Variants in GPC5 observed in about 807,000 individuals in gnomAD.
GPC5 encodes the protein glypican 5, also known as glypican-5.
Under a neutral mutation model 53.9 loss-of-function variants are expected in GPC5, and 47 were observed. The observed-to-expected ratio is 0.87, with a 90% confidence interval of 0.69 to 1.11. The LOEUF (loss-of-function observed/expected upper bound fraction) is 1.11, where lower values mean the gene tolerates loss of function less well. GPC5 is among the 50% of genes most tolerant of loss of function. The probability of loss-of-function intolerance (pLI) is 0.00; values close to 1 mark genes in which losing one functional copy is unlikely to be tolerated. For missense variants in GPC5, 748 were observed against 713.1 expected (o/e 1.05, Z -0.56); for synonymous variants, 286 against 263.3 (o/e 1.09, Z -0.84).
intron 7 of GPC5, among the ~76,000 whole-genome samples, chr13:92,567,655 G>A (rs1300708527): frequency 6.6e-6 from 1 of 152,066 alleles, no homozygotes; most frequent in African/African-American, 2.4e-5. Flanking sequence ...CTAGAGGAAG[G>A]GGCCCAGCAG....
chr13:92,167,321 C>A (rs77050455), intron 7 of GPC5, among the ~76,000 whole-genome samples: 19 of 151,980 alleles, frequency 1.3e-4, no homozygotes, highest in Admixed American at 2.6e-4. Context: ...AGTGAGAATT[C>A]TTTTATAAAA....
At chr13:92,069,408 ATGTGTGTGTGTGTGTG>A (rs67467167) in intron 6 of GPC5, among the ~76,000 whole-genome samples, 20 of 143,114 alleles carry the variant, frequency 1.4e-4, no homozygotes, top group Non-Finnish European at 2.5e-4. Context: ...GTGTGCGTGC[ATGTGTGTGTGTGTGTG>A]TGTGTGTGTG....
intron 5 of GPC5, among the ~76,000 whole-genome samples, chr13:91,898,276 G>A (rs2039463851): frequency 6.6e-6 from 1 of 152,082 alleles, no homozygotes; most frequent in Admixed American, 6.6e-5. Flanking sequence ...TATAAATTTT[G>A]CTTAAGAGTT....
intron 5 of GPC5, among the ~76,000 whole-genome samples, chr13:91,842,715 AAAAAAAAAAAAAAAAG>A (rs2038803499): frequency 7.2e-6 from 1 of 139,234 alleles, no homozygotes; most frequent in Non-Finnish European, 1.7e-5. Flanking sequence ...AAAAAAAAAA[AAAAAAAAAAAAAAAAG>A]AATGTTATTT....
intron 6 of GPC5, among the ~76,000 whole-genome samples, chr13:92,003,256 AG>A (rs2040572527): frequency 1.3e-5 from 2 of 149,584 alleles, no homozygotes; most frequent in South Asian, 4.3e-4. Flanking sequence ...GGGAAGCGGC[AG>A]TTGGAGTGAG....
At chr13:92,719,609 C>A (rs1364428449) in intron 7 of GPC5, among the ~76,000 whole-genome samples, 9 of 152,232 alleles carry the variant, frequency 5.9e-5, no homozygotes, top group Middle Eastern at 3.4e-3. Flanking sequence ...GAGGTTCTAA[C>A]AATTCCAAAA....
chr13:91,779,940 A>G (rs903894545), intron 5 of GPC5, among the ~76,000 whole-genome samples: 2 of 152,226 alleles, frequency 1.3e-5, no homozygotes, highest in East Asian at 3.8e-4. Flanking sequence ...GGTTAAATGT[A>G]TAGTTTAGTA....
chr13:92,700,365 G>T (rs529247446), intron 7 of GPC5, among the ~76,000 whole-genome samples: 2 of 149,620 alleles, frequency 1.3e-5, no homozygotes, highest in South Asian at 4.2e-4. Context: ...CCTGCATACA[G>T]CACTCTGATG....
At chr13:92,493,423 T>A (rs888416799) in intron 7 of GPC5, among the ~76,000 whole-genome samples, 1 of 152,224 alleles carries the variant, frequency 6.6e-6, no homozygotes, top group Admixed American at 6.5e-5. Flanking sequence ...AATTTGTTGC[T>A]TCTTATCTAC....
intron 6 of GPC5, among the ~76,000 whole-genome samples, chr13:92,096,919 A>G (rs1037815696): frequency 6.6e-6 from 1 of 152,234 alleles, no homozygotes; most frequent in African/African-American, 2.4e-5. Flanking sequence ...GGAGCATGAC[A>G]TAATAAACCT....
chr13:91,908,441 G>A (rs745616172), intron 6 of GPC5, among the ~76,000 whole-genome samples: 18 of 152,080 alleles, frequency 1.2e-4, no homozygotes, highest in African/African-American at 1.7e-4. Context: ...GAATGTTACT[G>A]TGAAGGTTTT....
chr13:91,835,730 G>T (rs2038716378), intron 5 of GPC5, among the ~76,000 whole-genome samples: 1 of 151,574 alleles, frequency 6.6e-6, no homozygotes, highest in African/African-American at 2.4e-5. Context: ...ATCAGGGCCT[G>T]TCGGGGGTTG....
intron 7 of GPC5, among the ~76,000 whole-genome samples, chr13:92,394,123 CAG>C (rs995518302): frequency 7.9e-5 from 12 of 151,984 alleles, no homozygotes; most frequent in African/African-American, 2.7e-4. Context: ...GGCTGAATGA[CAG>C]GGGAATGACA....
At chr13:91,776,083 T>G (rs950854912) in intron 5 of GPC5, among the ~76,000 whole-genome samples, 5 of 152,136 alleles carry the variant, frequency 3.3e-5, no homozygotes, top group Admixed American at 6.6e-5. Flanking sequence ...ACCAGAAAGT[T>G]TTTGGATGTC....
chr13:92,117,432 G>A (rs2041610195), intron 6 of GPC5, among the ~76,000 whole-genome samples: 1 of 152,002 alleles, frequency 6.6e-6, no homozygotes, highest in Non-Finnish European at 1.5e-5. Flanking sequence ...TCCACCTTGG[G>A]TCTTTTTAAA....
chr13:91,985,370 A>ATTT (rs60884117), intron 6 of GPC5, among the ~76,000 whole-genome samples: 168 of 142,742 alleles, frequency 1.2e-3, no homozygotes, highest in Admixed American at 3.7e-3. Context: ...TAAAATCAGC[A>ATTT]TTTTTTTTTT....
chr13:92,753,349 C>A (rs1874679775), intron 7 of GPC5, among the ~76,000 whole-genome samples: 1 of 152,070 alleles, frequency 6.6e-6, no homozygotes, highest in African/African-American at 2.4e-5. Context: ...TCATCAAAGA[C>A]CAAAAGTAGA....
At chr13:92,589,857 C>T (rs771444136) in intron 7 of GPC5, among the ~76,000 whole-genome samples, 32 of 152,092 alleles carry the variant, frequency 2.1e-4, no homozygotes, top group African/African-American at 7.2e-4. Flanking sequence ...TTAAGTCAAT[C>T]GAAATGATAA....
chr13:92,127,726 T>C (rs1217358948), intron 6 of GPC5, among the ~76,000 whole-genome samples: 2 of 152,228 alleles, frequency 1.3e-5, no homozygotes, highest in Admixed American at 6.5e-5. Flanking sequence ...CTATGAGGGA[T>C]GTTTAACATT....
Sources: gnomAD v4.1 joint callset for allele counts (sites outside exome capture counted in the v4.1 genomes callset) on GRCh38, gnomAD v4.1.1 for gene constraint, MANE v1.5 for transcripts, NCBI Gene and HGNC (gene_info 2026-07-23, HGNC 2026-07-21) for gene names.